Variants in HPSE2 observed in about 807,000 individuals in gnomAD.
HPSE2 encodes the protein heparanase 2 (inactive).
A neutral mutation model predicts 60.5 loss-of-function variants in HPSE2; 38 were observed. That is an observed-to-expected ratio of 0.63 (90% confidence interval 0.48 to 0.82). HPSE2 has a LOEUF of 0.82. HPSE2 is among the 40% of genes least tolerant of loss of function. HPSE2 has a pLI of 0.00. For missense variants in HPSE2, 713 were observed against 740.4 expected, an observed-to-expected ratio of 0.96 and a Z score of 0.43; for synonymous variants, 295 against 293.2, an observed-to-expected ratio of 1.01 and a Z score of -0.06.
rs1461588872 is a variant in HPSE2, at chr10:98,620,693, T to C, written c.1114A>G (p.Thr372Ala). Reference sequence around the variant, plus strand: ...TCAAGCCAAATCTTCTTTCCTGGAGTGTATGTATTAACCACCTGTTTACAC... The same window carrying C: ...TCAAGCCAAATCTTCTTTCCTGGAGCGTATGTATTAACCACCTGTTTACAC... Reference protein sequence around the residue: ...RKIQKVVNTYTPGKKIWLEGV... With the variant: ...RKIQKVVNTYAPGKKIWLEGV... Residue 372 changes from threonine (T) to alanine (A), a missense_variant, in exon 8 of 12, where the codon ACT becomes GCT. Coordinates refer to ENST00000370552, the MANE Select transcript of HPSE2 (RefSeq NM_021828.5). 4 of 1,613,294 alleles carry C rather than the reference T, an allele frequency of 2.5e-6. No homozygotes were observed. Among genetic ancestry groups the C allele is most frequent in the Non-Finnish European group, 3.4e-6 (4 of 1,179,436 alleles).
chr10:99,085,410 C>T (rs1266917790), intron 3 of HPSE2, among the ~76,000 whole-genome samples: 3 of 152,208 alleles, frequency 2.0e-5, no homozygotes, highest in Admixed American at 2.0e-4. Context: ...AAATCTACAT[C>T]ATCTCTAAGC....
At chr10:99,102,568 T>C (rs1326027564) in intron 3 of HPSE2, among the ~76,000 whole-genome samples, 1 of 152,182 alleles carries the variant, frequency 6.6e-6, no homozygotes, top group African/African-American at 2.4e-5. Flanking sequence ...GAGGAGCTGG[T>C]ACCATTCTTT....
intron 3 of HPSE2, among the ~76,000 whole-genome samples, chr10:98,858,212 A>G (rs944451844): frequency 6.6e-6 from 1 of 152,222 alleles, no homozygotes; most frequent in African/African-American, 2.4e-5. Flanking sequence ...AATCTTTGAA[A>G]GATGAAATTT....
At chr10:98,586,918 G>A (rs17460851) in intron 9 of HPSE2, among the ~76,000 whole-genome samples, 6,809 of 152,176 alleles carry the variant, frequency 0.045, 216 homozygotes, top group Non-Finnish European at 0.067. Flanking sequence ...CAAACCTGAG[G>A]GTTGCCATTT....
chr10:99,078,445 T>C (rs987004049), intron 3 of HPSE2, among the ~76,000 whole-genome samples: 4 of 152,176 alleles, frequency 2.6e-5, no homozygotes, highest in Non-Finnish European at 5.9e-5. Context: ...TTACTTATAA[T>C]ACCTATACAA....
At chr10:98,890,089 T>C (rs1953290448) in intron 3 of HPSE2, among the ~76,000 whole-genome samples, 1 of 152,208 alleles carries the variant, frequency 6.6e-6, no homozygotes, top group Non-Finnish European at 1.5e-5. Flanking sequence ...TATGTAGTTG[T>C]CTGAAAGGGT....
At chr10:98,777,767 C>T (rs1390249388) in intron 3 of HPSE2, among the ~76,000 whole-genome samples, 1 of 152,188 alleles carries the variant, frequency 6.6e-6, no homozygotes, top group African/African-American at 2.4e-5. Flanking sequence ...CCTTGTCCTT[C>T]TTCTTCCCTT....
At chr10:98,492,510 C>CAAAAAAAAAAA (rs10645866) in intron 9 of HPSE2, among the ~76,000 whole-genome samples, 78 of 111,390 alleles carry the variant, frequency 7.0e-4, no homozygotes, top group African/African-American at 8.7e-4. Context: ...TCAAAAAAGA[C>CAAAAAAAAAAA]AAAAAAAAAA....
chr10:98,906,662 T>C (rs1388401771), intron 3 of HPSE2, among the ~76,000 whole-genome samples: 1 of 152,158 alleles, frequency 6.6e-6, no homozygotes, highest in Non-Finnish European at 1.5e-5. Context: ...TCCCAGCATT[T>C]TGGGAGGCTG....
chr10:98,668,292 T>C (rs1227062179), intron 6 of HPSE2, among the ~76,000 whole-genome samples: 1 of 152,196 alleles, frequency 6.6e-6, no homozygotes, highest in Non-Finnish European at 1.5e-5. Context: ...AAATATTCCA[T>C]GCTCATTGAT....
intron 3 of HPSE2, among the ~76,000 whole-genome samples, chr10:99,005,533 C>G (rs1410208680): frequency 6.6e-6 from 1 of 152,046 alleles, no homozygotes; most frequent in South Asian, 2.1e-4. Context: ...CTGTTAAATT[C>G]CTCACTTTGG....
intron 4 of HPSE2, among the ~76,000 whole-genome samples, chr10:98,722,602 T>C (rs962677685): frequency 2.0e-5 from 3 of 152,136 alleles, no homozygotes; most frequent in African/African-American, 7.2e-5. Flanking sequence ...AGAAAAAATA[T>C]TAATATTCAT....
chr10:98,778,733 T>G (rs1347522456), intron 3 of HPSE2, among the ~76,000 whole-genome samples: 1 of 152,212 alleles, frequency 6.6e-6, no homozygotes, highest in East Asian at 1.9e-4. Context: ...TTATCCTCAA[T>G]GAGCCTCAGT....
At chr10:99,045,748 A>C (rs1589568949) in intron 3 of HPSE2, among the ~76,000 whole-genome samples, 1 of 152,166 alleles carries the variant, frequency 6.6e-6, no homozygotes, top group Non-Finnish European at 1.5e-5. Flanking sequence ...ACATGAATAA[A>C]TTTCTGGAAT....
At chr10:99,283,956 A>G in the HPSE2 span, among the ~76,000 whole-genome samples, 1 of 151,422 alleles carries the variant, frequency 6.6e-6, no homozygotes, top group Non-Finnish European at 1.5e-5. Flanking sequence ...TCTGCCATTT[A>G]AAAAGGAATT....
At chr10:99,066,007 A>AT (rs1481669773) in intron 3 of HPSE2, among the ~76,000 whole-genome samples, 33 of 152,356 alleles carry the variant, frequency 2.2e-4, no homozygotes, top group Admixed American at 7.2e-4. Flanking sequence ...CAGAAAGTGA[A>AT]TAAGTACAGG....
intron 2 of HPSE2, among the ~76,000 whole-genome samples, chr10:99,185,755 C>T (rs1377099165): frequency 6.6e-6 from 1 of 150,624 alleles, no homozygotes; most frequent in Admixed American, 6.6e-5. Flanking sequence ...GCCTGGGCGA[C>T]AGAGTGAGAC....
rs576682270 is a variant in HPSE2 at position 98,544,477 on chromosome 10, G to A, written c.1321-54281C>T. ...TGTAATCCCAGCACTTTGGGAGGCC[G>A]AGGCAGGCGGATCACGAGGTCAGGA... On this transcript the variant is annotated intron_variant, in intron 9 of 11. Coordinates refer to ENST00000370552, the MANE Select transcript of HPSE2 (RefSeq NM_021828.5). Among the ~76,000 whole-genome samples, 61 of 152,160 alleles carry A rather than the reference G, an allele frequency of 4.0e-4. No homozygotes were observed. In the East Asian group the frequency reaches 7.3e-3, roughly 18 times the overall value.
chr10:98,488,579 C>T (rs552788128), intron 10 of HPSE2, among the ~76,000 whole-genome samples: 156 of 152,268 alleles, frequency 1.0e-3, no homozygotes, highest in African/African-American at 3.5e-3. Flanking sequence ...ATTTTTTCCC[C>T]CAAGTCCTCA....
Sources: allele counts gnomAD v4.1 joint callset (sites outside exome capture counted in the v4.1 genomes callset), GRCh38; gene constraint gnomAD v4.1.1; transcripts MANE v1.5; gene names NCBI Gene and HGNC (gene_info 2026-07-23, HGNC 2026-07-21).